CAD: variants seen among roughly 807,000 people sequenced by gnomAD.
CAD encodes the protein carbamoyl-phosphate synthetase 2, aspartate transcarbamylase, and dihydroorotase, also known as multifunctional protein CAD.
Under a neutral mutation model 237.2 loss-of-function variants are expected in CAD, and 81 were observed. The ratio of observed to expected loss-of-function variants is 0.34; its 90% CI spans 0.29 to 0.41. CAD has a LOEUF of 0.41. Ranked by LOEUF, CAD falls within the 10% of genes least tolerant of loss-of-function variation. The probability of loss-of-function intolerance (pLI) is 1.00; values close to 1 mark genes in which losing one functional copy is unlikely to be tolerated. For synonymous variants in CAD, 1,196 were observed against 1,162.8 expected (o/e 1.03, Z -0.58); for missense variants, 2,181 against 2,951.7 (o/e 0.74, Z 6.05).
At position 27,240,316 on chromosome 2, in the gene CAD, C is replaced by A; in HGVS notation, c.5548C>A (p.His1850Asn). The A allele has an allele frequency of 6.2e-7, 1 of 1,614,154 alleles. No homozygotes were observed. Among genetic ancestry groups the A allele is most frequent in the Non-Finnish European group, 8.5e-7 (1 of 1,180,030 alleles). The change falls in exon 35 of 44, where the codon CAT becomes AAT. Residue 1850 changes from histidine (H) to asparagine (N), a missense_variant. This residue lies in a region of CAD where 203 missense variants were observed against 284.5 expected (regional missense o/e 0.71). Transcript: ENST00000264705. The surrounding 1 kb of genome is among the most constrained non-coding windows in gnomAD (Gnocchi z 4.6). ...CCCAGGGCTTCCTGATGGCCGCTTC[C>A]ATCTGCCGCCCCGAATCCATCGAGC... ...GIPGLPDGRF[H>N]LPPRIHRASD...
Position 27,235,243 on chromosome 2 carries a change from A to C in CAD, c.3787-2A>C. ...CCTCTCTCTTCCCTCCCGCCCCTTTAGGTGCCTCAGTTCTCCTTCTCCCGC... is the reference window on the plus strand; with the variant it reads ...CCTCTCTCTTCCCTCCCGCCCCTTTCGGTGCCTCAGTTCTCCTTCTCCCGC... On this transcript the variant is annotated splice_acceptor_variant, in intron 23 of 43. Transcript: ENST00000264705. LOFTEE classifies it high-confidence loss of function. The surrounding 1 kb of genome is among the most constrained non-coding windows in gnomAD (Gnocchi z 5.2). The C allele has an allele frequency of 1.2e-6, 2 of 1,602,516 alleles. No homozygotes were observed. The highest frequency in any genetic ancestry group is 1.7e-6 in the Non-Finnish European group (2 of 1,173,980).
chr2:27,238,317 C>A, intron 30 of CAD, 114 bp from the exon 31 acceptor site: 1 of 1,461,480 alleles, frequency 6.8e-7, no homozygotes, highest in Non-Finnish European at 9.3e-7. Flanking sequence ...CTCGAGCCAG[C>A]ACCCTTGCAG....
At chr2:27,217,731 G>T in intron 1 of CAD, 98 bp downstream of exon 1, 1 of 1,429,044 alleles carries the variant, frequency 7.0e-7, no homozygotes, top group Non-Finnish European at 9.5e-7. Context: ...TCCCGCCAGC[G>T]TACCCCCTTC....
At chr2:27,243,024 G>A in intron 42 of CAD, 51 bp downstream of exon 42, 1 of 1,473,820 alleles carries the variant, frequency 6.8e-7, no homozygotes, top group Non-Finnish European at 9.4e-7. Context: ...TAGGGCATCA[G>A]ATATGAGGAC....
chr2:27,224,083 GA>G, intron 8 of CAD, 54 bp downstream of exon 8: 1 of 1,334,808 alleles, frequency 7.5e-7, no homozygotes, highest in Non-Finnish European at 1.1e-6. Flanking sequence ...TTGGCTCCAG[GA>G]TGGGCATAAG....
In CAD at chr2:27,224,842, A is replaced by T; in HGVS notation, c.1352A>T (p.Tyr451Phe). ...QTSQGLADKV[Y>F]FLPITPHYVT... ...TCCCAGGGGCTGGCCGACAAGGTCT[A>T]TTTTCTTCCCATAACACCTCATTAT... Residue 451 changes from tyrosine to phenylalanine, a missense_variant, in exon 10 of 44, where the codon TAT becomes TTT. By Grantham distance (22) the Tyr-to-Phe change is conservative. Around this residue, in one of 12 missense-constraint regions of CAD, gnomAD observed 174 missense variants for 215.8 expected, o/e 0.81. Transcript: ENST00000264705. 6.2e-7 allele frequency: 1 copy of T among 1,614,114 alleles called. No individual in the cohort carries two copies. Among genetic ancestry groups the T allele is most frequent in the Non-Finnish European group, 8.5e-7 (1 of 1,180,022 alleles).
chr2:27,235,526 T>C lies in CAD; in HGVS notation c.3970-10T>C, dbSNP rs1200168257. 1.2e-6 allele frequency: 2 copies of C among 1,613,988 alleles called. No homozygotes were observed. Among genetic ancestry groups the C allele is most frequent in the East Asian group, 2.2e-5 (1 of 44,874 alleles). On this transcript the variant is annotated splice_polypyrimidine_tract_variant and intron_variant, in intron 24 of 43. Transcript: ENST00000264705. The surrounding 1 kb of genome is among the most constrained non-coding windows in gnomAD (Gnocchi z 5.2). ...GAAGAAAACAATTTCATCCTTCTGTTTGGTTTCAGAACAAAAGCGAGCTGC... is the reference window on the plus strand; with the variant it reads ...GAAGAAAACAATTTCATCCTTCTGTCTGGTTTCAGAACAAAAGCGAGCTGC...
At position 27,237,636 on chromosome 2, in the gene CAD, C is replaced by T; in HGVS notation, c.4564-82C>T. 1.3e-6 allele frequency: 2 copies of T among 1,574,040 alleles called. No homozygotes were observed. The highest frequency in any genetic ancestry group is 2.4e-5 in the South Asian group (2 of 84,908). On this transcript the variant is annotated intron_variant, in intron 28 of 43. Coordinates refer to ENST00000264705, the MANE Select transcript of CAD (RefSeq NM_004341.5). This position sits in a 1 kb window ranked among gnomAD's most constrained non-coding sequence, Gnocchi z 4.0. ...TGAGCCCTTTTCCTTCTGCCCCGCC[C>T]TATGGGCCCAGGCCACTGGTGCCAG...
Position 27,232,690 on chromosome 2 carries a change from G to A in CAD, c.2888G>A (p.Arg963Gln), listed in dbSNP as rs1377680993. 6.8e-6 allele frequency: 11 copies of A among 1,614,090 alleles called. No individual in the cohort carries two copies. Among genetic ancestry groups the A allele is most frequent in the African/African-American group, 5.3e-5 (4 of 74,940 alleles). Residue 963 changes from arginine to glutamine, a missense_variant, in exon 18 of 44, where the codon CGA becomes CAA. Arg to Gln is a conservative substitution (Grantham distance 43, BLOSUM62 1). Coordinates refer to ENST00000264705, the MANE Select transcript of CAD (RefSeq NM_004341.5). This position sits in a 1 kb window ranked among gnomAD's most constrained non-coding sequence, Gnocchi z 4.1. Reference sequence around the variant, plus strand: ...GCTGTAGGCTGCATCCAGCAGCTCCGAAAGGTCAGAGAGTTCATTTTCTTT... The same window carrying A: ...GCTGTAGGCTGCATCCAGCAGCTCCAAAAGGTCAGAGAGTTCATTTTCTTT... ...WCAVGCIQQL[R>Q]KMGYKTIMVN...
intron 8 of CAD, 84 bp from the exon 9 acceptor site, chr2:27,224,261 C>T (rs965764563): frequency 2.6e-5 from 39 of 1,492,336 alleles, no homozygotes; most frequent in Middle Eastern, 3.5e-4. Flanking sequence ...GCTCTGGACT[C>T]TTCTGAAAGC....
At chr2:27,223,842 CCCACTACCCA>C (rs1675300108) in intron 7 of CAD, 65 bp from the exon 8 acceptor site, 3 of 1,534,936 alleles carry the variant, frequency 2.0e-6, no homozygotes, top group Non-Finnish European at 2.7e-6. Flanking sequence ...AGTCCCCTGT[CCCACTACCCA>C]CCTCGAGGCT....
chr2:27,232,846 C>G lies in CAD; in HGVS notation c.2892+152C>G. 1.0e-6 allele frequency: 1 copy of G among 967,918 alleles called. No homozygotes were observed. The highest frequency in any genetic ancestry group is 1.6e-6 in the Non-Finnish European group (1 of 630,428). The allele number at this position is 967,918 out of a possible 1,614,324, so 60.0% of individuals were successfully genotyped here. A position where few individuals can be genotyped will look rare whatever the true frequency, so the allele number is the denominator to read the frequency against. ...GGGTCCTTTTAGGCCATCTCTCATG[C>G]CCCACACGGTATATGAATCTCTTCC... On this transcript the variant is annotated intron_variant, in intron 18 of 43. Transcript: ENST00000264705. This position sits in a 1 kb window ranked among gnomAD's most constrained non-coding sequence, Gnocchi z 4.1.
At chr2:27,238,385 A>C in intron 30 of CAD, 46 bp from the exon 31 acceptor site, 1 of 1,519,098 alleles carries the variant, frequency 6.6e-7, no homozygotes, top group Non-Finnish European at 8.9e-7. Flanking sequence ...GTGTAGGGCA[A>C]GGCATATGGG....
At chr2:27,226,093 C>G (rs750741128) in intron 12 of CAD, 38 bp from the exon 13 acceptor site, 10 of 1,597,336 alleles carry the variant, frequency 6.3e-6, no homozygotes, top group Non-Finnish European at 8.6e-6. Flanking sequence ...TCTCCTGACT[C>G]TGCTTGGCAG....
chr2:27,230,873 G>A (rs919879582), intron 15 of CAD, among the ~76,000 whole-genome samples: 14 of 152,194 alleles, frequency 9.2e-5, no homozygotes, highest in Non-Finnish European at 1.9e-4. Context: ...CAGTGTATGG[G>A]GATATATTCC....
Position 27,237,908 on chromosome 2 carries a change from G to T in CAD, c.4728+26G>T, listed in dbSNP as rs201711880. On this transcript the variant is annotated intron_variant, in intron 29 of 43. Coordinates refer to ENST00000264705, the MANE Select transcript of CAD (RefSeq NM_004341.5). This position sits in a 1 kb window ranked among gnomAD's most constrained non-coding sequence, Gnocchi z 4.0. ...GTAGGGAGTGTGCATGTGGCAGGAG[G>T]CCACCACCCAGTGTCTCCTGGCTTG... The T allele has an allele frequency of 2.3e-5, 36 of 1,587,096 alleles. No homozygotes were observed. The highest frequency in any genetic ancestry group is 2.7e-5 in the African/African-American group (2 of 74,350).
Position 27,217,442 on chromosome 2 carries a change from G to A in CAD, c.-110G>A. On this transcript the variant is annotated 5_prime_UTR_variant, in exon 1 of 44. Coordinates refer to ENST00000264705, the MANE Select transcript of CAD (RefSeq NM_004341.5). ...GCCCGGCTTCTCTCCAGCGCCCCGC[G>A]CCGTTAGCCACGTGGACCGACTCCG... The A allele has an allele frequency of 2.1e-6, 2 of 945,366 alleles. No individual in the cohort carries two copies. The highest frequency in any genetic ancestry group is 2.7e-5 in the East Asian group (1 of 37,434). 58.6% of individuals were successfully genotyped at this position (945,366 alleles called of 1,614,324 possible). A position where few individuals can be genotyped will look rare whatever the true frequency, so the allele number is the denominator to read the frequency against.
In CAD at chr2:27,217,948, C is replaced by T. The variant is rs199915898; in HGVS notation, c.154C>T (p.Leu52Phe). Residue 52 changes from leucine (L) to phenylalanine (F), a missense_variant, in exon 2 of 44, where the codon CTC becomes TTC. Leu to Phe is a conservative substitution (Grantham distance 22). This residue lies in a region of CAD where 314 missense variants were observed against 339.4 expected (regional missense o/e 0.93). Coordinates refer to ENST00000264705, the MANE Select transcript of CAD (RefSeq NM_004341.5). ...DPSYKAQILV[L>F]TYPLIGNYGI... ...CTCCTACAAGGCACAGATCTTAGTG[C>T]TCACCTATCCTCTGATCGGCAACTA... 2.7e-5 allele frequency: 43 copies of T among 1,613,038 alleles called. No individual in the cohort carries two copies. The highest frequency in any genetic ancestry group is 3.6e-5 in the Non-Finnish European group (43 of 1,179,344).
Position 27,242,942 on chromosome 2 carries a change from A to G in CAD, c.6449A>G (p.Glu2150Gly). Residue 2150 changes from glutamate to glycine, a missense_variant, in exon 42 of 44, where the codon GAA becomes GGA. Coordinates refer to ENST00000264705, the MANE Select transcript of CAD (RefSeq NM_004341.5). The surrounding 1 kb of genome is among the most constrained non-coding windows in gnomAD (Gnocchi z 6.4). ...DVLYMTRIQK[E>G]RFGSTQEYEA... ...CTCTACATGACTCGAATCCAGAAGG[A>G]ACGATTTGGCTCTACCCAGGAGTAC... 6.2e-7 allele frequency: 1 copy of G among 1,608,148 alleles called. No individual in the cohort carries two copies. The highest frequency in any genetic ancestry group is 8.5e-7 in the Non-Finnish European group (1 of 1,175,186).
Sources: allele counts gnomAD v4.1 joint callset (sites outside exome capture counted in the v4.1 genomes callset), GRCh38; gene constraint gnomAD v4.1.1; regional missense constraint gnomAD v4.1.1; non-coding constraint Gnocchi (gnomAD v3.1); transcripts MANE v1.5; gene names NCBI Gene and HGNC (gene_info 2026-07-23, HGNC 2026-07-21).